Variants in COMMD1 observed in about 807,000 individuals in gnomAD.
COMMD1 encodes copper metabolism domain containing 1, also known as COMM domain-containing protein 1.
Under a neutral mutation model 17.2 loss-of-function variants are expected in COMMD1, and 10 were observed. That is an observed-to-expected ratio of 0.58 (90% CI 0.36 to 0.99). The LOEUF (loss-of-function observed/expected upper bound fraction) is 0.99, where lower values mean the gene tolerates loss of function less well. Among genes scored for constraint, COMMD1 ranks in the 50% least tolerant of loss-of-function variants. COMMD1 has a pLI of 0.01. For synonymous variants in COMMD1, 97 were observed against 91.6 expected, an observed-to-expected ratio of 1.06 and a Z score of -0.34; for missense variants, 270 against 231.8, an observed-to-expected ratio of 1.17 and a Z score of -1.07.
Position 62,135,951 on chromosome 2 carries a change from A to G in COMMD1, c.*10A>G, listed in dbSNP as rs763630902. On this transcript the variant is annotated 3_prime_UTR_variant, in exon 3 of 3. Coordinates refer to ENST00000311832, the MANE Select transcript of COMMD1 (RefSeq NM_152516.4). ...CAGCCAGCCTAACTGAAGATGATGT[A>G]TGAAGGAGTTGGAGTTGTTGAAACC... 1.4e-6 allele frequency: 2 copies of G among 1,414,134 alleles called. No individual in the cohort carries two copies. The highest frequency in any genetic ancestry group is 2.3e-5 in the South Asian group (2 of 87,366). 87.6% of individuals were successfully genotyped at this position (1,414,134 alleles called of 1,614,324 possible).
At chr2:61,974,310 T>C (rs1200374432) in intron 1 of COMMD1, among the ~76,000 whole-genome samples, 1 of 152,072 alleles carries the variant, frequency 6.6e-6, no homozygotes, top group African/African-American at 2.4e-5. Flanking sequence ...GATGGAATTA[T>C]ACAGTAAATA....
chr2:61,929,437 A>G (rs1367251769), intron 1 of COMMD1, among the ~76,000 whole-genome samples: 1 of 152,186 alleles, frequency 6.6e-6, no homozygotes. Flanking sequence ...CACTCTGAAG[A>G]CACATAGACA....
Position 62,071,093 on chromosome 2 carries a change from T to C in COMMD1, c.463-64738T>C, listed in dbSNP as rs926136496. On this transcript the variant is annotated intron_variant, in intron 2 of 2. Coordinates refer to ENST00000311832, the MANE Select transcript of COMMD1 (RefSeq NM_152516.4). ...ACATAGGCAGAGCAGAGGCATGGGCTGCTTATTCTTATTGTTACTTCTTGA... is the reference window on the plus strand; with the variant it reads ...ACATAGGCAGAGCAGAGGCATGGGCCGCTTATTCTTATTGTTACTTCTTGA... Among the ~76,000 whole-genome samples, 6 of 152,172 alleles carry C rather than the reference T, an allele frequency of 3.9e-5. No individual in the cohort carries two copies. The South Asian group carries it at 1.0e-3, about 26-fold the overall frequency.
intron 1 of COMMD1, among the ~76,000 whole-genome samples, chr2:61,936,588 C>G (rs540438044): frequency 3.9e-5 from 6 of 152,202 alleles, no homozygotes; most frequent in Admixed American, 1.3e-4. Context: ...TGACAAATTT[C>G]TAGAAACTTC....
chr2:62,002,826 A>C (rs77472928), intron 2 of COMMD1, among the ~76,000 whole-genome samples: 1,839 of 152,176 alleles, frequency 0.012, 42 homozygotes, highest in African/African-American at 0.043. Flanking sequence ...ACTGTACTCC[A>C]GGCTGGGTGG....
At chr2:62,131,589 C>T (rs1398879250) in intron 2 of COMMD1, among the ~76,000 whole-genome samples, 1 of 152,070 alleles carries the variant, frequency 6.6e-6, no homozygotes. Flanking sequence ...ATTGCCAAGG[C>T]TAGAGTCCAG....
intron 2 of COMMD1, among the ~76,000 whole-genome samples, chr2:62,092,124 A>G (rs766760292): frequency 1.4e-4 from 22 of 152,288 alleles, no homozygotes; most frequent in African/African-American, 5.3e-4. Context: ...GGCAGACAGA[A>G]GAGATTGTGG....
At position 61,930,475 on chromosome 2, in the gene COMMD1, G is replaced by T. The variant is rs187470618; in HGVS notation, c.180+24617G>T. Among the ~76,000 whole-genome samples, 65 of 152,250 alleles carry T rather than the reference G, an allele frequency of 4.3e-4. 3 individuals are homozygous for T. In the East Asian group the frequency reaches 6.4e-3, roughly 15 times the overall value. On this transcript the variant is annotated intron_variant, in intron 1 of 2. Coordinates refer to ENST00000311832, the MANE Select transcript of COMMD1 (RefSeq NM_152516.4). The stretch of plus-strand genomic sequence containing the variant: ...GGTGGCTGAGGCAGTAGAATTTCTT[G>T]AACCTGTGAGGCGGAGGTTGCAGTG...
chr2:61,952,379 G>A (rs990944365), intron 1 of COMMD1, among the ~76,000 whole-genome samples: 5 of 152,058 alleles, frequency 3.3e-5, no homozygotes. Context: ...GACAGGATTT[G>A]TGACTTTCCC....
At chr2:62,075,287 A>G (rs529152115) in intron 2 of COMMD1, among the ~76,000 whole-genome samples, 2 of 152,314 alleles carry the variant, frequency 1.3e-5, no homozygotes, top group South Asian at 2.1e-4. Context: ...TAAAAAAAAT[A>G]AAAACATCAC....
chr2:61,978,957 T>A (rs1439043683), intron 1 of COMMD1, among the ~76,000 whole-genome samples: 1 of 152,222 alleles, frequency 6.6e-6, no homozygotes, highest in Non-Finnish European at 1.5e-5. Flanking sequence ...TCCTTTGTGT[T>A]AGAAACAATC....
At chr2:62,036,658 G>A (rs1387724931) in intron 2 of COMMD1, among the ~76,000 whole-genome samples, 2 of 152,134 alleles carry the variant, frequency 1.3e-5, no homozygotes, top group Admixed American at 6.5e-5. Flanking sequence ...GACCTTATAT[G>A]ATTTAAACTT....
intron 2 of COMMD1, among the ~76,000 whole-genome samples, chr2:62,044,936 T>G (rs1186588459): frequency 2.0e-5 from 3 of 152,204 alleles, no homozygotes; most frequent in Non-Finnish European, 2.9e-5. Flanking sequence ...TTACAGACAT[T>G]GGGGAACTAA....
At chr2:61,905,108 A>G (rs145043745), upstream of COMMD1, among the ~76,000 whole-genome samples, 1 of 152,386 alleles carries the variant, frequency 6.6e-6, no homozygotes, top group East Asian at 1.9e-4. Context: ...GATAGTAAAT[A>G]AGGTGTTAAA....
chr2:61,890,427 C>A (rs1194389868), intron 1 of COMMD1, among the ~76,000 whole-genome samples: 1 of 152,146 alleles, frequency 6.6e-6, no homozygotes, highest in Non-Finnish European at 1.5e-5. Context: ...CCATGTTGGA[C>A]AGGGTGGTTT....
chr2:62,047,975 A>G (rs1194561408), intron 2 of COMMD1, among the ~76,000 whole-genome samples: 1 of 152,144 alleles, frequency 6.6e-6, no homozygotes, highest in Non-Finnish European at 1.5e-5. Flanking sequence ...ATAGTAGGCT[A>G]TACCATCTAG....
Position 61,898,750 on chromosome 2 carries a change from A to T in COMMD1, n.119+9908A>T, listed in dbSNP as rs1195869235. Among the ~76,000 whole-genome samples, 3 of 151,960 alleles carry T rather than the reference A, an allele frequency of 2.0e-5. No homozygotes were observed. The South Asian group carries it at 6.2e-4, about 31-fold the overall frequency. Reference sequence around the variant, plus strand: ...CCTATTTGGCCACAATAGAAAGGAAACCTGTTTACAAGGAGGGCTTAGTTA... The same window carrying T: ...CCTATTTGGCCACAATAGAAAGGAATCCTGTTTACAAGGAGGGCTTAGTTA... On this transcript the variant is annotated intron_variant and non_coding_transcript_variant, in intron 1 of 2. Coordinates refer to the COMMD1 transcript ENST00000472729.
chr2:62,030,035 T>C (rs944923293), intron 2 of COMMD1, among the ~76,000 whole-genome samples: 1 of 152,246 alleles, frequency 6.6e-6, no homozygotes, highest in Non-Finnish European at 1.5e-5. Flanking sequence ...AGAAACATGA[T>C]TGGACAAAAA....
At chr2:62,118,228 T>G (rs1672655628) in intron 2 of COMMD1, 1 of 152,346 alleles carries the variant, frequency 6.6e-6, no homozygotes, top group South Asian at 2.1e-4. Flanking sequence ...TCAAAATGCC[T>G]TACCTTCTGG....
Sources: allele counts gnomAD v4.1 joint callset (sites outside exome capture counted in the v4.1 genomes callset), GRCh38; gene constraint gnomAD v4.1.1; transcripts MANE v1.5; gene names NCBI Gene and HGNC (gene_info 2026-07-23, HGNC 2026-07-21).